Variants in ATOH8 observed in about 807,000 individuals in gnomAD.
The protein encoded by ATOH8 is transcription factor ATOH8.
ATOH8 carries 9 observed loss-of-function variants against 21.2 expected under a neutral mutation model. The observed-to-expected ratio is 0.42, with a 90% CI of 0.26 to 0.74. The LOEUF (loss-of-function observed/expected upper bound fraction) is 0.74, where lower values mean the gene tolerates loss of function less well. Ranked by LOEUF, ATOH8 falls within the 30% of genes least tolerant of loss-of-function variation. The pLI, the probability that ATOH8 is intolerant of heterozygous loss-of-function variation, is 0.24. For synonymous variants in ATOH8, 253 were observed against 224.0 expected (o/e 1.13, Z -1.16); for missense variants, 524 against 470.9 (o/e 1.11, Z -1.04).
At chr2:85,755,351 TG>T (rs2104490813) in intron 1 of ATOH8, among the ~76,000 whole-genome samples, 1 of 152,222 alleles carries the variant, frequency 6.6e-6, no homozygotes, top group South Asian at 2.1e-4. Flanking sequence ...CAGTTGGTGG[TG>T]GCAAGGTCCG....
At chr2:85,781,232 G>C (rs573658549) in intron 2 of ATOH8, 12 of 267,084 alleles carry the variant, frequency 4.5e-5, no homozygotes, top group Non-Finnish European at 7.0e-5. Flanking sequence ...TCAGTGGTTT[G>C]CTCTCCGTGG....
Position 85,754,718 on chromosome 2 carries a change from T to G in ATOH8, c.529T>G (p.Ser177Ala), listed in dbSNP as rs188300460. ...APPAPPAPPE[S>A]TVRPAPPTRP... ...CCCAGCACCGCCAGCGCCCCCGGAG[T>G]CCACTGTGCGCCCTGCGCCCCCGAC... The change falls in exon 1 of 3, where the codon TCC becomes GCC. Residue 177 changes from serine to alanine, a missense_variant. By Grantham distance (99) the Ser-to-Ala change is moderately conservative. Coordinates refer to ENST00000306279, the MANE Select transcript of ATOH8 (RefSeq NM_032827.7). 18,940 of 1,610,900 alleles carry G rather than the reference T, an allele frequency of 0.012. 134 individuals carry two copies. The highest frequency in any genetic ancestry group is 0.015 in the Middle Eastern group (90 of 6,052).
chr2:85,767,580 T>TCCTTCCCTCCCCTGC (rs1558611972), intron 2 of ATOH8, among the ~76,000 whole-genome samples: 4 of 79,234 alleles, frequency 5.0e-5, no homozygotes, highest in South Asian at 5.0e-4. Flanking sequence ...CCCTCCCCTC[T>TCCTTCCCTCCCCTGC]CCTTCCCTTC....
In ATOH8 at chr2:85,785,366, A is replaced by G. The variant is rs1680599368; in HGVS notation, c.961-1519A>G. ...AGATTCCTGCTGGGGCCAGCCATGC[A>G]CAGTGGGCTTGGAGAATGTGAGCCT... On this transcript the variant is annotated intron_variant, in intron 2 of 2. Coordinates refer to ENST00000306279, the MANE Select transcript of ATOH8 (RefSeq NM_032827.7). This position sits in a 1 kb window ranked among gnomAD's most constrained non-coding sequence, Gnocchi z 4.1. 1.3e-5 allele frequency among the ~76,000 whole-genome samples: 2 copies of G among 152,248 alleles called. No homozygotes were observed. The highest frequency in any genetic ancestry group is 1.5e-5 in the Non-Finnish European group (1 of 68,038).
intron 2 of ATOH8, 65 bp from the exon 3 acceptor site, chr2:85,786,820 A>C (rs1680632928): frequency 1.2e-6 from 2 of 1,610,620 alleles, no homozygotes; most frequent in Non-Finnish European, 1.7e-6. Context: ...GACATTCTGC[A>C]GCTGTCCAGA....
At chr2:85,755,716 G>T (rs1296137199) in intron 1 of ATOH8, among the ~76,000 whole-genome samples, 1 of 152,078 alleles carries the variant, frequency 6.6e-6, no homozygotes, top group Non-Finnish European at 1.5e-5. Context: ...GTGCCCCTGC[G>T]CAGGTAGCGG....
In ATOH8 at chr2:85,789,921, G is replaced by A. The variant is rs1019798065; in HGVS notation, c.*3031G>A. On this transcript the variant is annotated 3_prime_UTR_variant, in exon 3 of 3. Coordinates refer to ENST00000306279, the MANE Select transcript of ATOH8 (RefSeq NM_032827.7). The stretch of plus-strand genomic sequence containing the variant: ...CTTCCTCTCCAGCACAGCAACTTGT[G>A]TTCGTATGCACACACATGCATACTC... Among the ~76,000 whole-genome samples the A allele has an allele frequency of 6.6e-6, 1 of 151,968 alleles. No homozygotes were observed. Among genetic ancestry groups the A allele is most frequent in the Non-Finnish European group, 1.5e-5 (1 of 68,028 alleles).
Position 85,754,553 on chromosome 2 carries a change from C to T in ATOH8, c.364C>T (p.Pro122Ser), listed in dbSNP as rs1377326288. The stretch of plus-strand genomic sequence containing the variant: ...CCTAGGCGCAGTGGGGCCAGGACTC[C>T]CCACGCCGCCGCCGCCGCCGCCTCC... Reference protein sequence around the residue: ...FALGAVGPGLPTPPPPPPPAP... With the variant: ...FALGAVGPGLSTPPPPPPPAP... Residue 122 changes from proline (P) to serine (S), a missense_variant, in exon 1 of 3, where the codon CCC becomes TCC. Pro to Ser is a moderately conservative substitution (Grantham distance 74). Transcript: ENST00000306279. 15 of 1,439,104 alleles carry T rather than the reference C, an allele frequency of 1.0e-5. No individual in the cohort carries two copies. In the Admixed American group the frequency reaches 4.2e-4, roughly 41 times the overall value. 89.1% of individuals were successfully genotyped at this position (1,439,104 alleles called of 1,614,324 possible).
chr2:85,783,624 G>A (rs1228398828), intron 2 of ATOH8: 1 of 152,192 alleles, frequency 6.6e-6, no homozygotes, highest in Non-Finnish European at 1.5e-5. Context: ...GGGGTTCTGA[G>A]GACAGTAAGC....
chr2:85,763,882 C>A, intron 1 of ATOH8, 109 bp from the exon 2 acceptor site: 3 of 879,920 alleles, frequency 3.4e-6, no homozygotes, highest in East Asian at 2.8e-5. Context: ...TAGAGCAGAT[C>A]ATAAGATTAG....
intron 2 of ATOH8, among the ~76,000 whole-genome samples, chr2:85,764,524 A>G (rs376902188): frequency 1.8e-4 from 28 of 152,136 alleles, no homozygotes; most frequent in Admixed American, 1.4e-3. Flanking sequence ...CCTCTGATAG[A>G]TGTCATACCA....
chr2:85,775,951 G>T (rs1211041462), intron 2 of ATOH8, among the ~76,000 whole-genome samples: 1 of 152,246 alleles, frequency 6.6e-6, no homozygotes, highest in Admixed American at 6.5e-5. Context: ...CCACAAATTG[G>T]GTGTCACCAG....
At chr2:85,761,386 G>T (rs1332358085) in intron 1 of ATOH8, among the ~76,000 whole-genome samples, 2 of 152,184 alleles carry the variant, frequency 1.3e-5, no homozygotes, top group Non-Finnish European at 2.9e-5. Flanking sequence ...CTCAATGGAT[G>T]GGTTTCTTCT....
At position 85,780,810 on chromosome 2, in the gene ATOH8, C is replaced by G. The variant is rs559876245; in HGVS notation, c.961-6075C>G. ...GGGACCTTGAAGGGCCCTCCAAGCC[C>G]GGACACAGCACTATCCTCGATTCAT... On this transcript the variant is annotated intron_variant, in intron 2 of 2. Coordinates refer to ENST00000306279, the MANE Select transcript of ATOH8 (RefSeq NM_032827.7). Among the ~76,000 whole-genome samples the G allele has an allele frequency of 5.3e-5, 8 of 152,366 alleles. No individual in the cohort carries two copies. The South Asian group carries it at 1.4e-3, about 28-fold the overall frequency.
At chr2:85,777,332 A>G (rs567712571) in intron 2 of ATOH8, among the ~76,000 whole-genome samples, 1 of 152,292 alleles carries the variant, frequency 6.6e-6, no homozygotes, top group East Asian at 1.9e-4. Flanking sequence ...AAAACAGCCT[A>G]TGAGGGCAGG....
chr2:85,765,225 T>A (rs980554161), intron 2 of ATOH8, among the ~76,000 whole-genome samples: 6 of 152,198 alleles, frequency 3.9e-5, no homozygotes, highest in Non-Finnish European at 8.8e-5. Context: ...CCTGTCATCC[T>A]CCATCCATTC....
intron 2 of ATOH8, chr2:85,775,242 T>A: frequency 1.0e-6 from 1 of 985,384 alleles, no homozygotes; most frequent in African/African-American, 1.7e-5. Flanking sequence ...TTGTGTCCTG[T>A]CTTCTGGCAC....
At chr2:85,778,105 G>A (rs1375557882) in intron 2 of ATOH8, among the ~76,000 whole-genome samples, 1 of 152,222 alleles carries the variant, frequency 6.6e-6, no homozygotes, top group African/African-American at 2.4e-5. Context: ...TTCCTGACAA[G>A]CTCATGCAGT....
At chr2:85,772,745 G>C in intron 2 of ATOH8, 1 of 457,044 alleles carries the variant, frequency 2.2e-6, no homozygotes, top group South Asian at 1.5e-5. Flanking sequence ...CGCCGTAAAA[G>C]TTGGCGGCTG....
Sources: allele counts gnomAD v4.1 joint callset (sites outside exome capture counted in the v4.1 genomes callset), GRCh38; gene constraint gnomAD v4.1.1; non-coding constraint Gnocchi (gnomAD v3.1); transcripts MANE v1.5; gene names NCBI Gene and HGNC (gene_info 2026-07-23, HGNC 2026-07-21).